Variants in BTD observed in about 807,000 individuals in gnomAD.
The protein encoded by BTD is biotinidase.
A neutral mutation model predicts 17.7 loss-of-function variants in BTD; 13 were observed. That is an observed-to-expected ratio of 0.74 (90% CI 0.48 to 1.17). The LOEUF is 1.17. BTD is among the 50% of genes most tolerant of loss of function. The pLI, the probability that BTD is intolerant of heterozygous loss-of-function variation, is 0.00. For missense variants in BTD, 674 were observed against 650.4 expected, an observed-to-expected ratio of 1.04 and a Z score of -0.39; for synonymous variants, 240 against 245.2, an observed-to-expected ratio of 0.98 and a Z score of 0.20.
At chr3:15,612,063 T>C (rs2064652340) in intron 1 of BTD, among the ~76,000 whole-genome samples, 2 of 152,200 alleles carry the variant, frequency 1.3e-5, no homozygotes, top group Admixed American at 1.3e-4. Flanking sequence ...TCCACTCTTA[T>C]TTTTATTTCC....
Position 15,622,065 on chromosome 3 carries a change from G to T in BTD, c.-16-13359G>T, listed in dbSNP as rs2064965389. Among the ~76,000 whole-genome samples, 4 of 151,762 alleles carry T rather than the reference G, an allele frequency of 2.6e-5. No homozygotes were observed. In the South Asian group the frequency reaches 8.3e-4, roughly 31 times the overall value. Reference sequence around the variant, plus strand: ...TTCTCTATTTTTTTTTCTTAGCCTGGCTAGAGGCTTATTGATTTTTCTTGA... The same window carrying T: ...TTCTCTATTTTTTTTTCTTAGCCTGTCTAGAGGCTTATTGATTTTTCTTGA... On this transcript the variant is annotated intron_variant, in intron 1 of 3. Transcript: ENST00000643237.
chr3:15,690,517 G>A (rs945846377), intron 3 of BTD, among the ~76,000 whole-genome samples: 1 of 152,098 alleles, frequency 6.6e-6, no homozygotes, highest in Non-Finnish European at 1.5e-5. Flanking sequence ...TGTGTGACAC[G>A]GATTCATTTA....
intron 3 of BTD, among the ~76,000 whole-genome samples, chr3:15,662,435 T>C (rs1399509595): frequency 6.6e-6 from 1 of 152,222 alleles, no homozygotes; most frequent in Non-Finnish European, 1.5e-5. Flanking sequence ...GAGAAAGTAA[T>C]TGATTTTTGT....
chr3:15,697,059 A>C (rs1294753771), intron 3 of BTD, among the ~76,000 whole-genome samples: 1 of 152,188 alleles, frequency 6.6e-6, no homozygotes, highest in Non-Finnish European at 1.5e-5. Flanking sequence ...CTATCAACGA[A>C]CGAGTGCGTA....
At chr3:15,669,847 T>C (rs2066182625) in intron 3 of BTD, 1 of 155,010 alleles carries the variant, frequency 6.5e-6, no homozygotes, top group Non-Finnish European at 1.4e-5. Context: ...TGCAATTTGC[T>C]GTGCACATAA....
At chr3:15,709,227 T>G (rs2126040189) in intron 3 of BTD, among the ~76,000 whole-genome samples, 1 of 152,304 alleles carries the variant, frequency 6.6e-6, no homozygotes, top group African/African-American at 2.4e-5. Context: ...CATATATATT[T>G]ATAACCTATT....
At chr3:15,611,002 C>T (rs1386998387) in intron 1 of BTD, among the ~76,000 whole-genome samples, 7 of 149,666 alleles carry the variant, frequency 4.7e-5, no homozygotes, top group Non-Finnish European at 7.4e-5. Flanking sequence ...TGAATTTGAA[C>T]TTTAGATGAA....
intron 1 of BTD, chr3:15,632,684 A>T (rs2065242282): frequency 6.6e-6 from 1 of 152,150 alleles, no homozygotes; most frequent in Non-Finnish European, 1.5e-5. Context: ...CCCGCACCCC[A>T]GTCGTCCCGT....
At chr3:15,642,334 G>C (rs1487498182) in intron 3 of BTD, 5 of 1,268,908 alleles carry the variant, frequency 3.9e-6, no homozygotes, top group East Asian at 5.1e-5. Flanking sequence ...AAAAAGAAAA[G>C]TTCATCTTCA....
chr3:15,614,166 C>T, intron 1 of BTD, among the ~76,000 whole-genome samples: 1 of 149,600 alleles, frequency 6.7e-6, no homozygotes, highest in Non-Finnish European at 1.5e-5. Flanking sequence ...CTCTGTCGCC[C>T]AAGCTGGAGT....
intron 4 of BTD, among the ~76,000 whole-genome samples, chr3:15,717,974 GAA>G (rs1048936606): frequency 6.6e-6 from 1 of 151,966 alleles, no homozygotes; most frequent in African/African-American, 2.4e-5. Context: ...GATTAAGCAG[GAA>G]AAAAGAGATA....
exon 4 of BTD, among the ~76,000 whole-genome samples, chr3:15,711,837 C>A (rs572114363): frequency 1.8e-4 from 27 of 150,062 alleles, no homozygotes; most frequent in African/African-American, 6.3e-4. Context: ...CAGGTGCTCA[C>A]CACCACGCCC....
chr3:15,683,189 A>C (rs560850633), intron 3 of BTD, among the ~76,000 whole-genome samples: 71 of 152,044 alleles, frequency 4.7e-4, no homozygotes, highest in Non-Finnish European at 8.7e-4. Context: ...ATCTTCAGGG[A>C]TATATTTTTT....
Position 15,635,838 on chromosome 3 carries a change from A to T in BTD, c.249+150A>T. On this transcript the variant is annotated intron_variant, in intron 2 of 3. Coordinates refer to ENST00000643237, the MANE Select transcript of BTD (RefSeq NM_001370658.1). The surrounding 1 kb of genome is among the most constrained non-coding windows in gnomAD (Gnocchi z 4.1). ...CTGAGTTGAGTTAGTCAGTTGAATT[A>T]GGAGCCTTACCCCTCAGAGAGTGGT... is the stretch of plus-strand genomic sequence containing the variant. The T allele has an allele frequency of 8.6e-7, 1 of 1,156,220 alleles. No homozygotes were observed. The highest frequency in any genetic ancestry group is 1.3e-5 in the South Asian group (1 of 75,692). The allele number at this position is 1,156,220 out of a possible 1,614,324, so 71.6% of individuals were successfully genotyped here. A position where few individuals can be genotyped will look rare whatever the true frequency, so the allele number is the denominator to read the frequency against.
chr3:15,692,191 C>T (rs895174977), intron 3 of BTD, among the ~76,000 whole-genome samples: 1 of 149,954 alleles, frequency 6.7e-6, no homozygotes, highest in Non-Finnish European at 1.5e-5. Context: ...GTCACTCACA[C>T]CTATATCTCA....
intron 4 of BTD, among the ~76,000 whole-genome samples, chr3:15,719,306 CA>C (rs1489183888): frequency 6.6e-6 from 1 of 152,158 alleles, no homozygotes; most frequent in Non-Finnish European, 1.5e-5. Flanking sequence ...CTCATGTAAT[CA>C]AAATGCTCTG....
At position 15,635,405 on chromosome 3, in the gene BTD, T is replaced by C. The variant is rs1314203021; in HGVS notation, c.-16-19T>C. On this transcript the variant is annotated intron_variant, in intron 1 of 3. Transcript: ENST00000643237. This position sits in a 1 kb window ranked among gnomAD's most constrained non-coding sequence, Gnocchi z 4.1. The stretch of plus-strand genomic sequence containing the variant: ...GATTCTTTATTCAGCTGTTTTCCCC[T>C]TGCCCCATTACATTCCAGATTTGTG... 3 of 1,614,204 alleles carry C rather than the reference T, an allele frequency of 1.9e-6. No individual in the cohort carries two copies. The highest frequency in any genetic ancestry group is 2.2e-5 in the South Asian group (2 of 91,082).
intron 3 of BTD, among the ~76,000 whole-genome samples, chr3:15,687,865 T>C (rs188499856): frequency 6.6e-6 from 1 of 152,322 alleles, no homozygotes; most frequent in East Asian, 1.9e-4. Context: ...CTGATGAATG[T>C]TTGTGTCATC....
intron 1 of BTD, among the ~76,000 whole-genome samples, chr3:15,633,398 T>C (rs2065263240): frequency 6.6e-6 from 1 of 152,222 alleles, no homozygotes; most frequent in Admixed American, 6.5e-5. Flanking sequence ...TCGACCTACC[T>C]TTGTTCACAC....
Sources: gnomAD v4.1 joint callset for allele counts (sites outside exome capture counted in the v4.1 genomes callset) on GRCh38, gnomAD v4.1.1 for gene constraint, Gnocchi (gnomAD v3.1) non-coding constraint, MANE v1.5 for transcripts, NCBI Gene and HGNC (gene_info 2026-07-23, HGNC 2026-07-21) for gene names.